The following ZNF142 variants were observed in gnomAD, a reference collection of about 807,000 sequenced individuals.
ZNF142 encodes the protein zinc finger protein 142 (clone pHZ-49).
A neutral mutation model predicts 132.1 loss-of-function variants in ZNF142; 96 were observed. The ratio of observed to expected loss-of-function variants is 0.73; its 90% confidence interval spans 0.62 to 0.86. ZNF142 has a LOEUF of 0.86. Among genes scored for constraint, ZNF142 ranks in the 40% least tolerant of loss-of-function variants. The pLI, the probability that ZNF142 is intolerant of heterozygous loss-of-function variation, is 0.00. For missense variants in ZNF142, 2,163 were observed against 2,336.2 expected (o/e 0.93, Z 1.53); for synonymous variants, 842 against 890.1 (o/e 0.95, Z 0.96).
intron 6 of ZNF142, among the ~76,000 whole-genome samples, chr2:218,650,086 A>C (rs1459196053): frequency 6.6e-6 from 1 of 152,228 alleles, no homozygotes; most frequent in Non-Finnish European, 1.5e-5. Flanking sequence ...TATATGATGA[A>C]GATCACCTCC....
At position 218,636,062 on chromosome 2, in the gene ZNF142, G is replaced by T; in HGVS notation, c.*2277C>A. 1 of 1,464,394 alleles carries T rather than the reference G, an allele frequency of 6.8e-7. No individual in the cohort carries two copies. The highest frequency in any genetic ancestry group is 9.3e-7 in the Non-Finnish European group (1 of 1,075,150). 90.7% of individuals were successfully genotyped at this position (1,464,394 alleles called of 1,614,324 possible). On this transcript the variant is annotated 3_prime_UTR_variant, in exon 11 of 11. Coordinates refer to ENST00000411696, the MANE Select transcript of ZNF142 (RefSeq NM_001379659.1). ...GGGAGGCAGTGTGGAACAGTACAAAGAATCCTGGCTCTTCACTTAAAAGCT... is the reference window on the plus strand; with the variant it reads ...GGGAGGCAGTGTGGAACAGTACAAATAATCCTGGCTCTTCACTTAAAAGCT...
chr2:218,651,665 T>A, intron 5 of ZNF142, 36 bp downstream of exon 5: 1 of 1,241,140 alleles, frequency 8.1e-7, no homozygotes, highest in Non-Finnish European at 1.0e-6. Flanking sequence ...GTGGCTGAAC[T>A]CCAGGAGAGG....
intron 4 of ZNF142, among the ~76,000 whole-genome samples, chr2:218,652,514 C>T (rs1468681812): frequency 6.6e-6 from 1 of 152,158 alleles, no homozygotes; most frequent in Non-Finnish European, 1.5e-5. Flanking sequence ...ATACTTGGCA[C>T]AAGATAGGTG....
Position 218,642,598 on chromosome 2 carries a change from C to G in ZNF142, c.4518G>C (p.Leu1506=). 1.2e-6 allele frequency: 2 copies of G among 1,611,646 alleles called. No individual in the cohort carries two copies. Residue 1506 remains leucine, a synonymous_variant, in exon 9 of 11, where the codon CTG becomes CTC. Coordinates refer to ENST00000411696, the MANE Select transcript of ZNF142 (RefSeq NM_001379659.1). This position sits in a 1 kb window ranked among gnomAD's most constrained non-coding sequence, Gnocchi z 4.6. ...SSETALKQHA[L]RRHPEPAQPA... is the part of the protein sequence containing the mutation. ...GCTGTGCAGGCTCGGGGTGTCGGCGCAGAGCATGCTGCTTAAGTGCTGTCT... is the reference window on the plus strand; with the variant it reads ...GCTGTGCAGGCTCGGGGTGTCGGCGGAGAGCATGCTGCTTAAGTGCTGTCT...
rs577238434 is a variant in ZNF142, at chr2:218,634,649, G to A, written c.*3690C>T. The A allele has an allele frequency of 6.2e-7, 1 of 1,610,266 alleles. No homozygotes were observed. Among genetic ancestry groups the A allele is most frequent in the African/African-American group, 1.3e-5 (1 of 74,852 alleles). The stretch of plus-strand genomic sequence containing the variant: ...AATCCAGGTACAGTGGAAATAAACT[G>A]TTGGGAAGAAACTGAGATAACTGGG... On this transcript the variant is annotated 3_prime_UTR_variant, in exon 11 of 11. Transcript: ENST00000411696. The surrounding 1 kb of genome is among the most constrained non-coding windows in gnomAD (Gnocchi z 4.0).
Position 218,644,145 on chromosome 2 carries a change from TCTCAGCAGGTG to T in ZNF142, c.2960_2970del (p.Pro987HisfsTer9). ...TCAGGTAATGGGGGCAAGGGTGCTG[TCTCAGCAGGTG>T]GAGTTGTCTTGAAGGTTCCTACCCA... is the stretch of plus-strand genomic sequence containing the variant. On this transcript the variant is annotated frameshift_variant, in exon 9 of 11. Coordinates refer to ENST00000411696, the MANE Select transcript of ZNF142 (RefSeq NM_001379659.1). LOFTEE classifies it high-confidence loss of function. The surrounding 1 kb of genome is among the most constrained non-coding windows in gnomAD (Gnocchi z 4.6). 1 of 1,614,030 alleles carries T rather than the reference TCTCAGCAGGTG, an allele frequency of 6.2e-7. No individual in the cohort carries two copies. The highest frequency in any genetic ancestry group is 8.5e-7 in the Non-Finnish European group (1 of 1,180,010).
intron 5 of ZNF142, among the ~76,000 whole-genome samples, chr2:218,650,987 CT>C (rs5838705): frequency 0.37 from 50,454 of 137,434 alleles, 10,328 homozygotes; most frequent in East Asian, 0.79. Context: ...TTCTTTACTT[CT>C]TTTTTTTTTT....
chr2:218,636,875 G>A lies in ZNF142; in HGVS notation c.*1464C>T. 4.1e-6 allele frequency: 2 copies of A among 493,158 alleles called. No homozygotes were observed. Among genetic ancestry groups the A allele is most frequent in the South Asian group, 1.5e-5 (1 of 64,894 alleles). The allele number at this position is 493,158 out of a possible 1,614,324, so 30.5% of individuals were successfully genotyped here. Reference sequence around the variant, plus strand: ...CTTGCTGTAGGCTCAATCCCATACCGACATCTACAACTAATCTTTCCCATC... The same window carrying A: ...CTTGCTGTAGGCTCAATCCCATACCAACATCTACAACTAATCTTTCCCATC... On this transcript the variant is annotated 3_prime_UTR_variant, in exon 11 of 11. Coordinates refer to ENST00000411696, the MANE Select transcript of ZNF142 (RefSeq NM_001379659.1).
intron 9 of ZNF142, among the ~76,000 whole-genome samples, chr2:218,641,308 G>A (rs956919183): frequency 4.8e-5 from 7 of 145,830 alleles, no homozygotes; most frequent in Non-Finnish European, 1.0e-4. Context: ...GTGCAGTGGC[G>A]CGATCTCGGC....
rs199587417 is a variant in ZNF142, at chr2:218,642,058, G to C, written c.5058C>G (p.Pro1686=). ...GACGAGAGGGATCAGCACAGGCATAGGGGCAGAGGTGACAGTGGTAAGGCT... is the reference window on the plus strand; with the variant it reads ...GACGAGAGGGATCAGCACAGGCATACGGGCAGAGGTGACAGTGGTAAGGCT... The part of the protein sequence containing the change: ...GEKPYHCHLC[P]YACADPSRLK... Residue 1686 remains proline, a synonymous_variant, in exon 9 of 11, where the codon CCC becomes CCG. Coordinates refer to ENST00000411696, the MANE Select transcript of ZNF142 (RefSeq NM_001379659.1). This position sits in a 1 kb window ranked among gnomAD's most constrained non-coding sequence, Gnocchi z 4.6. The C allele has an allele frequency of 1.4e-5, 23 of 1,614,208 alleles. No homozygotes were observed. The South Asian group carries it at 2.4e-4, about 17-fold the overall frequency.
At position 218,644,794 on chromosome 2, in the gene ZNF142, G is replaced by C. The variant is rs1697589268; in HGVS notation, c.2322C>G (p.His774Gln). The C allele has an allele frequency of 1.1e-5, 18 of 1,614,246 alleles. No homozygotes were observed. Among genetic ancestry groups the C allele is most frequent in the Non-Finnish European group, 1.5e-5 (18 of 1,180,044 alleles). Reference sequence around the variant, plus strand: ...AGGTGCGGTAGTCACAGAGGGCACAGTGGAACTCACGGAGGCGGGTATGCT... The same window carrying C: ...AGGTGCGGTAGTCACAGAGGGCACACTGGAACTCACGGAGGCGGGTATGCT... ...NCKHTRLREF[H>Q]CALCDYRTFS... is the part of the protein sequence containing the mutation. Residue 774 changes from histidine to glutamine, a missense_variant, in exon 9 of 11, where the codon CAC (histidine) becomes CAG (glutamine). Transcript: ENST00000411696. This position sits in a 1 kb window ranked among gnomAD's most constrained non-coding sequence, Gnocchi z 4.6.
At position 218,636,267 on chromosome 2, in the gene ZNF142, C is replaced by A; in HGVS notation, c.*2072G>T. On this transcript the variant is annotated 3_prime_UTR_variant, in exon 11 of 11. Coordinates refer to ENST00000411696, the MANE Select transcript of ZNF142 (RefSeq NM_001379659.1). ...GGTTTTAATCCATACTGGGGGCAGA[C>A]ACTATGTTTCCGGGTGCTGGTGCCT... 1.9e-6 allele frequency: 3 copies of A among 1,614,048 alleles called. No individual in the cohort carries two copies. In the Admixed American group the frequency reaches 5.0e-5, roughly 27 times the overall value.
Position 218,656,217 on chromosome 2 carries a change from C to T in ZNF142, c.213G>A (p.Gly71=), listed in dbSNP as rs779900873. The part of the protein sequence containing the change: ...VEATATEEGP[G]NMEIIVETVA... ...CTGTCTCCACAATGATCTCCATGTTCCCTGGTCCCTCTTCAGTTGCTGTGG... is the reference window on the plus strand; with the variant it reads ...CTGTCTCCACAATGATCTCCATGTTTCCTGGTCCCTCTTCAGTTGCTGTGG... The change falls in exon 4 of 11, where the codon GGG becomes GGA. Residue 71 remains glycine (G), a synonymous_variant. Transcript: ENST00000411696. 3.1e-6 allele frequency: 5 copies of T among 1,612,918 alleles called. No homozygotes were observed. In the Admixed American group the frequency reaches 8.3e-5, roughly 27 times the overall value.
intron 4 of ZNF142, among the ~76,000 whole-genome samples, chr2:218,654,963 C>A (rs1259721120): frequency 6.6e-6 from 1 of 152,002 alleles, no homozygotes; most frequent in Non-Finnish European, 1.5e-5. Flanking sequence ...GTGGTATACA[C>A]CTGTGGCCCC....
In ZNF142 at chr2:218,635,772, G is replaced by A. The variant is rs1432440176; in HGVS notation, c.*2567C>T. 1.9e-6 allele frequency: 3 copies of A among 1,606,496 alleles called. No homozygotes were observed. The highest frequency in any genetic ancestry group is 1.7e-5 in the Admixed American group (1 of 58,680). ...GGGGCTGGGCTGAGCAGGAACTTGT[G>A]AGATTCCAGAGCCCTGACTACAGGT... On this transcript the variant is annotated 3_prime_UTR_variant, in exon 11 of 11. Transcript: ENST00000411696.
intron 4 of ZNF142, among the ~76,000 whole-genome samples, chr2:218,655,670 A>G (rs1938416371): frequency 6.6e-6 from 1 of 152,142 alleles, no homozygotes; most frequent in Non-Finnish European, 1.5e-5. Flanking sequence ...TCTTATTCTT[A>G]ACAACATGCC....
chr2:218,640,653 C>A lies in ZNF142; in HGVS notation c.5194+11G>T. 3.1e-6 allele frequency: 5 copies of A among 1,613,760 alleles called. No homozygotes were observed. Among genetic ancestry groups the A allele is most frequent in the Non-Finnish European group, 4.2e-6 (5 of 1,179,688 alleles). ...GAACCCTTCAGGCCTGTCGAAACCA[C>A]ACAGACTCACCTGTATGCTTGGTCA... On this transcript the variant is annotated intron_variant, in intron 10 of 10. Coordinates refer to ENST00000411696, the MANE Select transcript of ZNF142 (RefSeq NM_001379659.1).
In ZNF142 at chr2:218,634,525, C is replaced by A; in HGVS notation, c.*3814G>T. Reference sequence around the variant, plus strand: ...GTGATGGGCATTTCCGCCAGAATGGCGGCTGTGGCTATGTGCTGAAGCCAG... The same window carrying A: ...GTGATGGGCATTTCCGCCAGAATGGAGGCTGTGGCTATGTGCTGAAGCCAG... On this transcript the variant is annotated 3_prime_UTR_variant, in exon 11 of 11. Coordinates refer to ENST00000411696, the MANE Select transcript of ZNF142 (RefSeq NM_001379659.1). The surrounding 1 kb of genome is among the most constrained non-coding windows in gnomAD (Gnocchi z 4.0). 6.2e-7 allele frequency: 1 copy of A among 1,614,040 alleles called. No individual in the cohort carries two copies. The highest frequency in any genetic ancestry group is 8.5e-7 in the Non-Finnish European group (1 of 1,179,892).
In ZNF142 at chr2:218,633,793, A is replaced by G; in HGVS notation, c.*4546T>C. On this transcript the variant is annotated 3_prime_UTR_variant, in exon 11 of 11. Coordinates refer to ENST00000411696, the MANE Select transcript of ZNF142 (RefSeq NM_001379659.1). ...ACCAAAATGGAGGGATGGGGAGGGA[A>G]GTGGGATGGATAGGTTCAGGCCTGA... is the stretch of plus-strand genomic sequence containing the variant. The G allele has an allele frequency of 1.2e-6, 2 of 1,611,280 alleles. No homozygotes were observed. Among genetic ancestry groups the G allele is most frequent in the Non-Finnish European group, 1.7e-6 (2 of 1,178,438 alleles).
Sources: gnomAD v4.1 joint callset for allele counts (sites outside exome capture counted in the v4.1 genomes callset) on GRCh38, gnomAD v4.1.1 for gene constraint, Gnocchi (gnomAD v3.1) non-coding constraint, MANE v1.5 for transcripts, NCBI Gene and HGNC (gene_info 2026-07-23, HGNC 2026-07-21) for gene names.